The following GOLGB1 variants were observed in gnomAD, a reference collection of about 807,000 sequenced individuals.
GOLGB1 encodes the protein golgin subfamily B member 1.
Under a neutral mutation model 336.9 loss-of-function variants are expected in GOLGB1, and 174 were observed. The observed-to-expected ratio is 0.52, with a 90% CI of 0.46 to 0.59. GOLGB1 has a LOEUF of 0.59. Ranked by LOEUF, GOLGB1 falls within the 20% of genes least tolerant of loss-of-function variation. GOLGB1 has a pLI of 0.00. For synonymous variants in GOLGB1, 1,208 were observed against 1,289.2 expected, an observed-to-expected ratio of 0.94 and a Z score of 1.35; for missense variants, 3,331 against 3,645.3, an observed-to-expected ratio of 0.91 and a Z score of 2.22.
intron 17 of GOLGB1, among the ~76,000 whole-genome samples, chr3:121,671,100 A>C (rs1049456029): frequency 3.3e-5 from 5 of 152,236 alleles, no homozygotes; most frequent in African/African-American, 1.2e-4. Context: ...ACAACTGCAA[A>C]GATGAGTAGT....
chr3:121,742,289 A>G (rs2108404593), intron 1 of GOLGB1, among the ~76,000 whole-genome samples: 1 of 152,354 alleles, frequency 6.6e-6, no homozygotes, highest in Admixed American at 6.5e-5. Context: ...ATGGAACAGA[A>G]CAGAGCCCTC....
rs538258778 is a variant in GOLGB1, at chr3:121,690,768, C to T, written c.8596G>A (p.Gly2866Arg). Residue 2866 changes from glycine to arginine, a missense_variant, in exon 14 of 22, where the codon GGG (glycine) becomes AGG (arginine). Transcript: ENST00000614479. ...GGCTGAGCTGCAGACCTCTGCTTCC[C>T]TTCCTCTGACTTTCGAAATTTCTCC... ...ELEKFRKSEE[G>R]KQRSAAQPST... 1 of 1,589,604 alleles carries T rather than the reference C, an allele frequency of 6.3e-7. No individual in the cohort carries two copies. Among genetic ancestry groups the T allele is most frequent in the South Asian group, 1.2e-5 (1 of 85,440 alleles).
At chr3:121,681,889 T>G in intron 14 of GOLGB1, 24 bp from the exon 15 acceptor site, 1 of 1,511,528 alleles carries the variant, frequency 6.6e-7, no homozygotes, top group Non-Finnish European at 9.1e-7. Flanking sequence ...GAAAGTAAAA[T>G]GATTATTTGT....
chr3:121,726,311 G>A (rs1436585101), intron 5 of GOLGB1, among the ~76,000 whole-genome samples: 1 of 150,802 alleles, frequency 6.6e-6, no homozygotes, highest in Non-Finnish European at 1.5e-5. Context: ...GTGCATGCCT[G>A]TAATCCCAGC....
chr3:121,723,507 A>C lies in GOLGB1; in HGVS notation c.532-1129T>G, dbSNP rs138210198. Among the ~76,000 whole-genome samples, 86 of 152,386 alleles carry C rather than the reference A, an allele frequency of 5.6e-4. 1 individual carries two copies. In the East Asian group the frequency reaches 0.016, roughly 29 times the overall value. ...ATAATTGAATTATTTTCCAAGTTCA[A>C]AAATAAATATAGACACATTTCAAAA... On this transcript the variant is annotated intron_variant, in intron 5 of 21. Coordinates refer to ENST00000614479, the MANE Select transcript of GOLGB1 (RefSeq NM_001366282.2).
chr3:121,733,562 T>C (rs1416351976), intron 1 of GOLGB1, among the ~76,000 whole-genome samples: 1 of 152,170 alleles, frequency 6.6e-6, no homozygotes, highest in East Asian at 1.9e-4. Context: ...TTTTGACCTA[T>C]AAAATTAGTG....
intron 1 of GOLGB1, among the ~76,000 whole-genome samples, chr3:121,731,835 G>A (rs907020021): frequency 4.6e-5 from 7 of 151,774 alleles, no homozygotes; most frequent in African/African-American, 1.7e-4. Context: ...AAAAATCAGA[G>A]TAGAAATTAA....
intron 9 of GOLGB1, among the ~76,000 whole-genome samples, chr3:121,716,330 G>A (rs932970015): frequency 2.0e-5 from 3 of 152,028 alleles, no homozygotes; most frequent in African/African-American, 7.2e-5. Context: ...TATAAGAAAA[G>A]CACTGAGATC....
chr3:121,733,334 G>A lies in GOLGB1; in HGVS notation c.-2-2361C>T, dbSNP rs1946255480. On this transcript the variant is annotated intron_variant, in intron 1 of 21. Coordinates refer to ENST00000614479, the MANE Select transcript of GOLGB1 (RefSeq NM_001366282.2). Reference sequence around the variant, plus strand: ...AAGTCAACTGCATTCCCATTACAATGAACAAGAGGAATTTGAAACCAATAA... The same window carrying A: ...AAGTCAACTGCATTCCCATTACAATAAACAAGAGGAATTTGAAACCAATAA... Among the ~76,000 whole-genome samples the A allele has an allele frequency of 2.1e-5, 3 of 141,976 alleles. 1 individual carries two copies. In the South Asian group the frequency reaches 6.9e-4, roughly 33 times the overall value. 93.1% of individuals were successfully genotyped at this position (141,976 alleles called of 152,430 possible).
chr3:121,710,097 CGGGT>C (rs1944219791), intron 10 of GOLGB1, among the ~76,000 whole-genome samples: 1 of 142,928 alleles, frequency 7.0e-6, no homozygotes. Context: ...AAACTGGCAC[CGGGT>C]GGAAAAAAAA....
intron 10 of GOLGB1, among the ~76,000 whole-genome samples, chr3:121,707,225 C>CAAAAAAAAAAAAAAA (rs554313106): frequency 6.4e-5 from 6 of 93,656 alleles, no homozygotes; most frequent in South Asian, 3.8e-4. Flanking sequence ...GACTCCATCT[C>CAAAAAAAAAAAAAAA]AAAAAAAAAA....
intron 1 of GOLGB1, among the ~76,000 whole-genome samples, chr3:121,746,855 G>A (rs1165044309): frequency 6.6e-6 from 1 of 151,744 alleles, no homozygotes; most frequent in Non-Finnish European, 1.5e-5. Flanking sequence ...AGTAAACTAA[G>A]GCAGAGGGAT....
At chr3:121,710,046 G>A (rs1944211481) in intron 10 of GOLGB1, among the ~76,000 whole-genome samples, 2 of 101,834 alleles carry the variant, frequency 2.0e-5, no homozygotes, top group African/African-American at 3.8e-5. Context: ...CAATGAAATA[G>A]ACAAAACCCC....
At chr3:121,728,438 T>C (rs182100544) in intron 4 of GOLGB1, among the ~76,000 whole-genome samples, 2 of 152,352 alleles carry the variant, frequency 1.3e-5, no homozygotes, top group East Asian at 1.9e-4. Context: ...CTAGGCTCAC[T>C]CTATAACTAC....
intron 17 of GOLGB1, among the ~76,000 whole-genome samples, chr3:121,670,740 C>T (rs1576261034): frequency 8.7e-6 from 1 of 114,868 alleles, no homozygotes; most frequent in African/African-American, 3.6e-5. Flanking sequence ...CTAAGAAAAT[C>T]ATAGGGTTTT....
chr3:121,666,095 G>A (rs1334364277), intron 20 of GOLGB1, among the ~76,000 whole-genome samples: 5 of 152,228 alleles, frequency 3.3e-5, no homozygotes, highest in Non-Finnish European at 5.9e-5. Flanking sequence ...CTATGCTGAG[G>A]AAGGATGAGA....
At chr3:121,740,434 T>C (rs1246682444) in intron 1 of GOLGB1, among the ~76,000 whole-genome samples, 2 of 152,176 alleles carry the variant, frequency 1.3e-5, no homozygotes, top group African/African-American at 4.8e-5. Flanking sequence ...ATATCCTGAA[T>C]TGAATCCTGG....
At chr3:121,677,670 T>C (rs1940591674) in intron 15 of GOLGB1, among the ~76,000 whole-genome samples, 1 of 152,220 alleles carries the variant, frequency 6.6e-6, no homozygotes, top group Admixed American at 6.5e-5. Context: ...GGGTCAATTA[T>C]ATAAGGAAAT....
chr3:121,720,675 C>T (rs2108171511), intron 6 of GOLGB1, among the ~76,000 whole-genome samples: 1 of 152,270 alleles, frequency 6.6e-6, no homozygotes, highest in South Asian at 2.1e-4. Context: ...GGAATTTGGA[C>T]TCTTGTGTTT....
Sources: gnomAD v4.1 joint callset for allele counts (sites outside exome capture counted in the v4.1 genomes callset) on GRCh38, gnomAD v4.1.1 for gene constraint, MANE v1.5 for transcripts, NCBI Gene and HGNC (gene_info 2026-07-23, HGNC 2026-07-21) for gene names.